TNFRSF14: variants seen among roughly 807,000 people sequenced by gnomAD.
TNFRSF14 encodes the protein tumor necrosis factor receptor superfamily member 14.
Under a neutral mutation model 34.1 loss-of-function variants are expected in TNFRSF14, and 18 were observed. The observed-to-expected ratio is 0.53, with a 90% CI of 0.36 to 0.78. TNFRSF14 has a LOEUF of 0.78. Ranked by LOEUF, TNFRSF14 falls within the 30% of genes least tolerant of loss-of-function variation. The probability of loss-of-function intolerance (pLI) is 0.00; values close to 1 mark genes in which losing one functional copy is unlikely to be tolerated. For synonymous variants in TNFRSF14, 157 were observed against 153.2 expected (o/e 1.02, Z -0.18); for missense variants, 352 against 379.5 (o/e 0.93, Z 0.60).
In TNFRSF14 at chr1:2,556,548, A is replaced by T; in HGVS notation, c.-117A>T. On this transcript the variant is annotated 5_prime_UTR_variant, in exon 1 of 8. Transcript: ENST00000355716. ...GGCACAGCTTGTCACACCGAGGCGG[A>T]TTCTCTTTCTCTTTCTCTTTCTCTT... 2 of 1,021,416 alleles carry T rather than the reference A, an allele frequency of 2.0e-6. No homozygotes were observed. Among genetic ancestry groups the T allele is most frequent in the Non-Finnish European group, 3.0e-6 (2 of 665,772 alleles). 63.3% of individuals were successfully genotyped at this position (1,021,416 alleles called of 1,614,324 possible).
chr1:2,555,349 T>C (rs1179701857), upstream of TNFRSF14: 1 of 152,170 alleles, frequency 6.6e-6, no homozygotes, highest in East Asian at 1.9e-4. This position sits in a 1 kb window ranked among gnomAD's most constrained non-coding sequence, Gnocchi z 6.3. Flanking sequence ...CACTTTCTAG[T>C]TGGGGTGCAG....
Position 2,561,254 on chromosome 1 carries a change from C to T in TNFRSF14, c.552-419C>T. ...CGGTGGGGCCTTCCATCCTGCTCTGCCCTCCTCGTCCTCTGGCCCCAGCTC... is the reference window on the plus strand; with the variant it reads ...CGGTGGGGCCTTCCATCCTGCTCTGTCCTCCTCGTCCTCTGGCCCCAGCTC... On this transcript the variant is annotated intron_variant, in intron 5 of 7. Transcript: ENST00000355716. The surrounding 1 kb of genome is among the most constrained non-coding windows in gnomAD (Gnocchi z 6.0). 2.0e-6 allele frequency: 1 copy of T among 489,610 alleles called. No homozygotes were observed. Among genetic ancestry groups the T allele is most frequent in the Non-Finnish European group, 3.6e-6 (1 of 277,014 alleles). The allele number at this position is 489,610 out of a possible 1,614,324, so 30.3% of individuals were successfully genotyped here. A position where few individuals can be genotyped will look rare whatever the true frequency, so the allele number is the denominator to read the frequency against.
chr1:2,563,094 G>A, intron 7 of TNFRSF14, 54 bp from the exon 8 acceptor site: 1 of 1,604,926 alleles, frequency 6.2e-7, no homozygotes, highest in Non-Finnish European at 8.5e-7. Flanking sequence ...CCGAGAACCT[G>A]GAGTCCCAGG....
intron 5 of TNFRSF14, 85 bp downstream of exon 5, chr1:2,560,799 G>A: frequency 7.6e-7 from 1 of 1,309,964 alleles, no homozygotes; most frequent in South Asian, 1.3e-5. Context: ...GTCTTCTCCA[G>A]CAGAAAGGCT....
chr1:2,562,235 A>C, intron 6 of TNFRSF14: 2 of 235,220 alleles, frequency 8.5e-6, no homozygotes, highest in East Asian at 8.7e-5. Context: ...TCATCCACCT[A>C]TCCGCCCTGG....
Position 2,561,953 on chromosome 1 carries a change from G to A in TNFRSF14, c.694+138G>A, listed in dbSNP as rs1644316622. 2.1e-6 allele frequency: 2 copies of A among 967,418 alleles called. No individual in the cohort carries two copies. Among genetic ancestry groups the A allele is most frequent in the Middle Eastern group, 3.0e-4 (1 of 3,370 alleles). 59.9% of individuals were successfully genotyped at this position (967,418 alleles called of 1,614,324 possible). On this transcript the variant is annotated intron_variant, in intron 6 of 7. Coordinates refer to ENST00000355716, the MANE Select transcript of TNFRSF14 (RefSeq NM_003820.4). The surrounding 1 kb of genome is among the most constrained non-coding windows in gnomAD (Gnocchi z 6.0). ...TCCCAGGGCAGCCACTGCAGGCTGG[G>A]GCAGGTGGGCTTTCTGCTGTGGCCA...
chr1:2,560,070 CT>C (rs1293861654), intron 4 of TNFRSF14, 92 bp downstream of exon 4: 1 of 1,444,076 alleles, frequency 6.9e-7, no homozygotes, highest in Non-Finnish European at 9.1e-7. Context: ...ACGGCATGGC[CT>C]GCCCAGGGGC....
chr1:2,556,709 C>A lies in TNFRSF14; in HGVS notation c.45C>A (p.Thr15=), dbSNP rs1295736620. 4 of 1,607,218 alleles carry A rather than the reference C, an allele frequency of 2.5e-6. No homozygotes were observed. Among genetic ancestry groups the A allele is most frequent in the South Asian group, 1.1e-5 (1 of 89,882 alleles). ...GDWGPPPWRS[T]PKTDVLRLVL... is the part of the protein sequence containing the mutation. ...GGGGGCCTCCTCCCTGGAGATCCAC[C>A]CCCAAAACCGACGTCTTGAGGCTGG... The change falls in exon 1 of 8, where the codon ACC becomes ACA. Residue 15 remains threonine (T), a synonymous_variant. Coordinates refer to ENST00000355716, the MANE Select transcript of TNFRSF14 (RefSeq NM_003820.4).
intron 3 of TNFRSF14, chr1:2,558,941 G>C (rs866983065): frequency 7.3e-7 from 1 of 1,365,552 alleles, no homozygotes; most frequent in Non-Finnish European, 9.7e-7. Flanking sequence ...GCCCACCTGA[G>C]TCCAGGCAGA....
In TNFRSF14 at chr1:2,562,453, G is replaced by A. The variant is rs11573993; in HGVS notation, c.695-412G>A. ...GATCCTCACCCGGGGCCTCCAATGCGGGGAGGTCTCGGGGCCTCAGGCTCT... is the reference window on the plus strand; with the variant it reads ...GATCCTCACCCGGGGCCTCCAATGCAGGGAGGTCTCGGGGCCTCAGGCTCT... On this transcript the variant is annotated intron_variant, in intron 6 of 7. Coordinates refer to ENST00000355716, the MANE Select transcript of TNFRSF14 (RefSeq NM_003820.4). The A allele has an allele frequency of 8.5e-3, 2,435 of 288,030 alleles. 44 individuals are homozygous for A. Among genetic ancestry groups the A allele is most frequent in the African/African-American group, 0.049 (2,178 of 44,660 alleles). The allele number at this position is 288,030 out of a possible 1,614,324, so 17.8% of individuals were successfully genotyped here.
intron 3 of TNFRSF14, 116 bp from the exon 4 acceptor site, chr1:2,559,707 G>T (rs1216636237): frequency 6.5e-7 from 1 of 1,536,536 alleles, no homozygotes; most frequent in African/African-American, 1.4e-5. Context: ...CTGAGCCAGG[G>T]GTTCAGCCTG....
chr1:2,555,651 C>T (rs1221278071), upstream of TNFRSF14: 1 of 152,472 alleles, frequency 6.6e-6, no homozygotes, highest in Non-Finnish European at 1.5e-5. The surrounding 1 kb of genome is among the most constrained non-coding windows in gnomAD (Gnocchi z 6.3). Context: ...GGGACCTGCT[C>T]TGGGCAAGCA....
At chr1:2,560,036 T>C (rs1644285151) in intron 4 of TNFRSF14, 58 bp downstream of exon 4, 1 of 1,466,328 alleles carries the variant, frequency 6.8e-7, no homozygotes, top group Non-Finnish European at 9.0e-7. Flanking sequence ...AGTGCCCCGC[T>C]GTCTGGAGCC....
In TNFRSF14 at chr1:2,562,833, C is replaced by T. The variant is rs373830628; in HGVS notation, c.695-32C>T. Reference sequence around the variant, plus strand: ...CCTGTGTCCCCTGATCAGACACTGCCCCTCCCTGACCTGTGTGTCTGTGTA... The same window carrying T: ...CCTGTGTCCCCTGATCAGACACTGCTCCTCCCTGACCTGTGTGTCTGTGTA... On this transcript the variant is annotated intron_variant, in intron 6 of 7. Coordinates refer to ENST00000355716, the MANE Select transcript of TNFRSF14 (RefSeq NM_003820.4). The T allele has an allele frequency of 3.1e-6, 5 of 1,613,782 alleles. No homozygotes were observed. The African/African-American group carries it at 4.0e-5, about 13-fold the overall frequency.
At chr1:2,562,406 C>T in intron 6 of TNFRSF14, 1 of 241,640 alleles carries the variant, frequency 4.1e-6, no homozygotes. Flanking sequence ...CATCCTCCAG[C>T]CAGGCGGCAG....
Position 2,563,542 on chromosome 1 carries a change from C to T in TNFRSF14, c.*269C>T, listed in dbSNP as rs1017933590. On this transcript the variant is annotated 3_prime_UTR_variant, in exon 8 of 8. Coordinates refer to ENST00000355716, the MANE Select transcript of TNFRSF14 (RefSeq NM_003820.4). Reference sequence around the variant, plus strand: ...AGTCCTGAGGAGGAGCGCCAGTTGCCCCTCGCTCACAGACCACACACCCAG... The same window carrying T: ...AGTCCTGAGGAGGAGCGCCAGTTGCTCCTCGCTCACAGACCACACACCCAG... 7.6e-5 allele frequency: 34 copies of T among 447,030 alleles called. No homozygotes were observed. The highest frequency in any genetic ancestry group is 1.2e-4 in the Non-Finnish European group (30 of 251,456). 27.7% of individuals were successfully genotyped at this position (447,030 alleles called of 1,614,324 possible).
intron 6 of TNFRSF14, 116 bp from the exon 7 acceptor site, chr1:2,562,749 T>G: frequency 1.5e-6 from 2 of 1,354,914 alleles, no homozygotes; most frequent in Non-Finnish European, 2.1e-6. Context: ...TTGGGGACGG[T>G]CTCCCAGGGA....
At chr1:2,562,636 G>A (rs932710501) in intron 6 of TNFRSF14, 11 of 619,254 alleles carry the variant, frequency 1.8e-5, no homozygotes, top group African/African-American at 1.1e-4. Flanking sequence ...GAGGTGGGCC[G>A]GGCGCCCCCA....
At chr1:2,558,304 TC>T in intron 2 of TNFRSF14, 38 bp from the exon 3 acceptor site, 2 of 1,574,760 alleles carry the variant, frequency 1.3e-6, no homozygotes, top group Non-Finnish European at 1.7e-6. Context: ...CGAAGGGGCC[TC>T]CCGCAGACTT....
Sources: gnomAD v4.1 joint callset for allele counts on GRCh38, gnomAD v4.1.1 for gene constraint, Gnocchi (gnomAD v3.1) non-coding constraint, MANE v1.5 for transcripts, NCBI Gene and HGNC (gene_info 2026-07-23, HGNC 2026-07-21) for gene names.